PAICS: variants seen among roughly 807,000 people sequenced by gnomAD.
PAICS encodes the protein bifunctional phosphoribosylaminoimidazole carboxylase/phosphoribosylaminoimidazole succinocarboxamide synthetase.
PAICS carries 33 observed loss-of-function variants against 53.7 expected under a neutral mutation model. That is an observed-to-expected ratio of 0.61 (90% CI 0.47 to 0.82). The LOEUF (loss-of-function observed/expected upper bound fraction) is 0.82, where lower values mean the gene tolerates loss of function less well. Ranked by LOEUF, PAICS falls within the 40% of genes least tolerant of loss-of-function variation. The pLI, the probability that PAICS is intolerant of heterozygous loss-of-function variation, is 0.00. For missense variants in PAICS, 394 were observed against 494.1 expected (o/e 0.80, Z 1.92); for synonymous variants, 141 against 167.2 (o/e 0.84, Z 1.21).
chr4:56,452,093 T>G (rs1205228076), intron 7 of PAICS, 41 bp downstream of exon 7: 21 of 1,378,026 alleles, frequency 1.5e-5, no homozygotes, highest in African/African-American at 1.4e-5. Context: ...TATTTCTGAT[T>G]TTGCTAAAAG....
the PAICS span, chr4:56,420,642 A>C: frequency 2.0e-5 from 3 of 152,346 alleles, no homozygotes; most frequent in African/African-American, 7.2e-5. Context: ...TAATAAAGCA[A>C]ATATGCAACC....
upstream of PAICS, chr4:56,435,827 A>G: frequency 6.6e-7 from 1 of 1,506,108 alleles, no homozygotes; most frequent in South Asian, 1.1e-5. Flanking sequence ...AGCACCCAAC[A>G]GTAGCGTAAT....
At position 56,449,094 on chromosome 4, in the gene PAICS, G is replaced by T. The variant is rs569502669; in HGVS notation, c.687+271G>T. Among the ~76,000 whole-genome samples the T allele has an allele frequency of 3.3e-5, 5 of 152,258 alleles. No individual in the cohort carries two copies. The East Asian group carries it at 9.6e-4, about 29-fold the overall frequency. Reference sequence around the variant, plus strand: ...AAGTATTATCTTTGTTTGGCTAAATGAAAACTAAGGGTCTTAAGAGGATGG... The same window carrying T: ...AAGTATTATCTTTGTTTGGCTAAATTAAAACTAAGGGTCTTAAGAGGATGG... On this transcript the variant is annotated intron_variant, in intron 5 of 8. Coordinates refer to ENST00000512576, the MANE Select transcript of PAICS (RefSeq NM_001079524.2).
At chr4:56,453,325 C>G (rs2110095196) in intron 7 of PAICS, among the ~76,000 whole-genome samples, 1 of 152,212 alleles carries the variant, frequency 6.6e-6, no homozygotes. Context: ...ATGAGCTATT[C>G]CCTCACTGAC....
At chr4:56,417,939 A>G in the PAICS span, among the ~76,000 whole-genome samples, 1 of 150,476 alleles carries the variant, frequency 6.6e-6, no homozygotes, top group Non-Finnish European at 1.5e-5. Flanking sequence ...TCCCAGGTTC[A>G]AGCGATTCTC....
Position 56,436,357 on chromosome 4 carries a change from G to T in PAICS, c.16+29G>T, listed in dbSNP as rs758735153. 5 of 1,508,100 alleles carry T rather than the reference G, an allele frequency of 3.3e-6. No homozygotes were observed. In the South Asian group the frequency reaches 5.8e-5, roughly 18 times the overall value. 93.4% of individuals were successfully genotyped at this position (1,508,100 alleles called of 1,614,324 possible). ...AGTAACAGGGATCCGGGCCCTTCAC[G>T]GTCTCCCTGACCCCCAGGCCGTGAG... On this transcript the variant is annotated intron_variant, in intron 1 of 8. Transcript: ENST00000512576.
intron 2 of PAICS, among the ~76,000 whole-genome samples, chr4:56,446,063 A>G (rs1042295323): frequency 6.6e-6 from 1 of 152,336 alleles, no homozygotes; most frequent in Non-Finnish European, 1.5e-5. Flanking sequence ...AGGATTAAAC[A>G]AAAAAGATGT....
At position 56,453,619 on chromosome 4, in the gene PAICS, T is replaced by G. The variant is rs1376699684; in HGVS notation, c.969T>G (p.Thr323=). ...TTTCCCTAGGGGATGGCATTCCTAC[T>G]GTATTTGTGGCAGTGGCAGGCAGAA... ...KAEYEGDGIP[T]VFVAVAGRSN... is the part of the protein sequence containing the mutation. The change falls in exon 8 of 9, where the codon ACT becomes ACG. Residue 323 remains threonine, a synonymous_variant. Coordinates refer to ENST00000512576, the MANE Select transcript of PAICS (RefSeq NM_001079524.2). 5.6e-6 allele frequency: 9 copies of G among 1,594,670 alleles called. No homozygotes were observed. Among genetic ancestry groups the G allele is most frequent in the South Asian group, 1.1e-5 (1 of 88,312 alleles).
intron 7 of PAICS, 68 bp from the exon 8 acceptor site, chr4:56,453,535 A>G (rs926454062): frequency 2.2e-5 from 27 of 1,249,926 alleles, no homozygotes; most frequent in Non-Finnish European, 2.9e-5. Flanking sequence ...AACCAAAAAA[A>G]AAAAAAAACC....
chr4:56,447,878 T>G (rs1049665329), intron 3 of PAICS, among the ~76,000 whole-genome samples: 1 of 152,056 alleles, frequency 6.6e-6, no homozygotes, highest in Non-Finnish European at 1.5e-5. Context: ...ACAAAAAATT[T>G]CTTTAGATGT....
intron 2 of PAICS, 23 bp downstream of exon 2, chr4:56,441,883 C>T: frequency 7.0e-7 from 1 of 1,430,724 alleles, no homozygotes; most frequent in Non-Finnish European, 9.6e-7. Flanking sequence ...CTCAAAGTCT[C>T]TTCTCTCACC....
intron 2 of PAICS, among the ~76,000 whole-genome samples, chr4:56,442,464 G>A (rs1365819032): frequency 6.6e-6 from 1 of 152,178 alleles, no homozygotes; most frequent in Admixed American, 6.5e-5. Flanking sequence ...ACATTGTGTG[G>A]TGGGTATTTG....
the PAICS span, chr4:56,422,999 T>A: frequency 6.6e-6 from 1 of 152,164 alleles, no homozygotes; most frequent in African/African-American, 2.4e-5. Context: ...TGAGAATCAT[T>A]ACCCTCTGGT....
chr4:56,415,942 T>C, the PAICS span, among the ~76,000 whole-genome samples: 7 of 151,950 alleles, frequency 4.6e-5, no homozygotes, highest in African/African-American at 1.7e-4. Flanking sequence ...TGGTGGCAGA[T>C]GCCTGTAATC....
the PAICS span, among the ~76,000 whole-genome samples, chr4:56,415,408 TC>T: frequency 6.6e-6 from 1 of 152,226 alleles, no homozygotes; most frequent in Non-Finnish European, 1.5e-5. Context: ...ATGTACTTCA[TC>T]CTCCTCATTT....
chr4:56,462,483 C>T lies in PAICS; in HGVS notation c.*2945C>T, dbSNP rs1427741178. The T allele has an allele frequency of 6.6e-6, 1 of 152,162 alleles. No individual in the cohort carries two copies. Among genetic ancestry groups the T allele is most frequent in the Non-Finnish European group, 1.5e-5 (1 of 68,032 alleles). 9.4% of individuals were successfully genotyped at this position (152,162 alleles called of 1,614,324 possible). A position where few individuals can be genotyped will look rare whatever the true frequency, so the allele number is the denominator to read the frequency against. On this transcript the variant is annotated 3_prime_UTR_variant, in exon 9 of 9. Coordinates refer to ENST00000512576, the MANE Select transcript of PAICS (RefSeq NM_001079524.2). Reference sequence around the variant, plus strand: ...GGAGAAGCAGAGATTAGTTAAGAGGCTATTGTAGCCCAGGTGAGGGATGAT... The same window carrying T: ...GGAGAAGCAGAGATTAGTTAAGAGGTTATTGTAGCCCAGGTGAGGGATGAT...
At chr4:56,435,202 A>C (rs1717833773), upstream of PAICS, 1 of 1,200,592 alleles carries the variant, frequency 8.3e-7, no homozygotes. Context: ...ACGCCTAGGC[A>C]ACCCGGTCGA....
chr4:56,457,444 C>T (rs1719270884), intron 8 of PAICS, among the ~76,000 whole-genome samples: 1 of 152,012 alleles, frequency 6.6e-6, no homozygotes, highest in Non-Finnish European at 1.5e-5. Context: ...AAAATTGCTA[C>T]AGTGCTTTAA....
chr4:56,441,775 T>C lies in PAICS; in HGVS notation c.129T>C (p.Asn43=). The C allele has an allele frequency of 3.1e-6, 5 of 1,604,470 alleles. No individual in the cohort carries two copies. Among genetic ancestry groups the C allele is most frequent in the Non-Finnish European group, 4.3e-6 (5 of 1,174,982 alleles). The change falls in exon 2 of 9, where the codon AAT becomes AAC. Residue 43 remains asparagine (N), a synonymous_variant. Transcript: ENST00000512576. The part of the protein sequence containing the change: ...LQSKDQITAG[N]AARKNHLEGK... ...CCAAGGACCAGATTACAGCAGGAAA[T>C]GCAGCTAGAAAAAACCACCTGGAAG...
Sources: gnomAD v4.1 joint callset for allele counts (sites outside exome capture counted in the v4.1 genomes callset) on GRCh38, gnomAD v4.1.1 for gene constraint, MANE v1.5 for transcripts, NCBI Gene and HGNC (gene_info 2026-07-23, HGNC 2026-07-21) for gene names.